Variants in HTR5A observed in about 807,000 individuals in gnomAD.
The protein encoded by HTR5A is 5-HT-5.
Under a neutral mutation model 24.3 loss-of-function variants are expected in HTR5A, and 21 were observed. That is an observed-to-expected ratio of 0.86 (90% CI 0.61 to 1.24). The LOEUF (loss-of-function observed/expected upper bound fraction) is 1.24. Ranked by LOEUF, HTR5A falls within the 50% of genes most tolerant of loss-of-function variation. HTR5A has a pLI of 0.00. For synonymous variants in HTR5A, 260 were observed against 213.7 expected, an observed-to-expected ratio of 1.22 and a Z score of -1.89; for missense variants, 497 against 489.5, an observed-to-expected ratio of 1.02 and a Z score of -0.15.
chr7:155,078,592 C>T (rs781752688), intron 1 of HTR5A, among the ~76,000 whole-genome samples: 1 of 152,096 alleles, frequency 6.6e-6, no homozygotes, highest in Non-Finnish European at 1.5e-5. Flanking sequence ...GGATTACAGG[C>T]GTGAGCCACC....
At chr7:155,075,348 T>C (rs1795348976) in intron 1 of HTR5A, among the ~76,000 whole-genome samples, 1 of 152,226 alleles carries the variant, frequency 6.6e-6, no homozygotes, top group Non-Finnish European at 1.5e-5. Flanking sequence ...CATGAGTTTA[T>C]GCTATTTTTT....
rs532328874 is a variant in HTR5A at position 155,085,763 on chromosome 7, C to T, written c.*1276C>T. ...TAATAATCTCTGAATTATTGTAATT[C>T]ATGTAGTATATTGTATATAATAAAT... On this transcript the variant is annotated 3_prime_UTR_variant, in exon 2 of 2. Transcript: ENST00000287907. The T allele has an allele frequency of 2.0e-5, 3 of 152,206 alleles. No homozygotes were observed. The highest frequency in any genetic ancestry group is 7.2e-5 in the African/African-American group (3 of 41,524). 9.4% of individuals were successfully genotyped at this position (152,206 alleles called of 1,614,324 possible).
chr7:155,073,987 C>T (rs1795333466), intron 1 of HTR5A, among the ~76,000 whole-genome samples: 1 of 150,550 alleles, frequency 6.6e-6, no homozygotes, highest in Non-Finnish European at 1.5e-5. Flanking sequence ...CTTGGCTTAG[C>T]AAAAGGACCC....
chr7:155,081,382 T>C (rs1795416448), intron 1 of HTR5A, among the ~76,000 whole-genome samples: 1 of 152,214 alleles, frequency 6.6e-6, no homozygotes, highest in South Asian at 2.1e-4. Context: ...AATAATTATT[T>C]AGCATGCAAT....
At position 155,087,311 on chromosome 7, in the gene HTR5A, G is replaced by T. The variant is rs980545280; in HGVS notation, c.*2824G>T. On this transcript the variant is annotated 3_prime_UTR_variant, in exon 2 of 2. Transcript: ENST00000287907. ...TTGTCTGTTGGATTTGCAGTTCCCT[G>T]CTCACAGCCAAAGAGGCTGTAGAGA... 2.0e-5 allele frequency among the ~76,000 whole-genome samples: 3 copies of T among 152,154 alleles called. No individual in the cohort carries two copies. The highest frequency in any genetic ancestry group is 7.2e-5 in the African/African-American group (3 of 41,434).
intron 1 of HTR5A, among the ~76,000 whole-genome samples, chr7:155,083,586 T>A (rs1795442219): frequency 6.6e-6 from 1 of 152,086 alleles, no homozygotes; most frequent in African/African-American, 2.4e-5. Flanking sequence ...CAGTTTTACA[T>A]AAATATAGGG....
chr7:155,074,818 C>G (rs1220368224), intron 1 of HTR5A: 3 of 152,066 alleles, frequency 2.0e-5, no homozygotes, highest in African/African-American at 7.2e-5. Flanking sequence ...AGAAGAGAAA[C>G]CTATGCAAAA....
At position 155,086,023 on chromosome 7, in the gene HTR5A, C is replaced by T. The variant is rs1016533671; in HGVS notation, c.*1536C>T. ...AAGAATTGAAGAATTTATTTAGAAA[C>T]GTCCTTAGATTTTTCATCTGTATAT... is the stretch of plus-strand genomic sequence containing the variant. On this transcript the variant is annotated 3_prime_UTR_variant, in exon 2 of 2. Transcript: ENST00000287907. 1.2e-4 allele frequency among the ~76,000 whole-genome samples: 18 copies of T among 152,162 alleles called. No individual in the cohort carries two copies. The highest frequency in any genetic ancestry group is 4.1e-4 in the South Asian group (2 of 4,832).
intron 1 of HTR5A, among the ~76,000 whole-genome samples, chr7:155,081,277 A>G (rs1051069228): frequency 6.6e-6 from 1 of 152,190 alleles, no homozygotes; most frequent in Admixed American, 6.5e-5. Flanking sequence ...CCATTATTGA[A>G]GGTAATCCAT....
chr7:155,075,934 A>G (rs1261021811), intron 1 of HTR5A, among the ~76,000 whole-genome samples: 1 of 151,954 alleles, frequency 6.6e-6, no homozygotes, highest in Non-Finnish European at 1.5e-5. Flanking sequence ...GTCCCTTTGG[A>G]CTCTTCATAA....
At chr7:155,081,051 A>G (rs993564952) in intron 1 of HTR5A, among the ~76,000 whole-genome samples, 1 of 152,222 alleles carries the variant, frequency 6.6e-6, no homozygotes, top group African/African-American at 2.4e-5. Flanking sequence ...GTTATCAGTT[A>G]TAGAACAATC....
At chr7:155,073,296 G>A (rs1052135894) in intron 1 of HTR5A, among the ~76,000 whole-genome samples, 1 of 132,940 alleles carries the variant, frequency 7.5e-6, no homozygotes, top group Non-Finnish European at 1.5e-5. Flanking sequence ...ACTCCAGCCT[G>A]GGCGACAGAG....
intron 1 of HTR5A, among the ~76,000 whole-genome samples, chr7:155,076,626 A>G (rs570343842): frequency 6.6e-6 from 1 of 152,316 alleles, no homozygotes; most frequent in Non-Finnish European, 1.5e-5. Flanking sequence ...TAATTATAGA[A>G]ATGCAGTTAT....
intron 1 of HTR5A, among the ~76,000 whole-genome samples, chr7:155,077,457 T>A (rs942770429): frequency 1.1e-5 from 1 of 94,024 alleles, no homozygotes. Context: ...ACCAATAGGT[T>A]TTTTTTTTGT....
chr7:155,086,752 C>T lies in HTR5A; in HGVS notation c.*2265C>T, dbSNP rs1335151511. ...TTTATACCCTGGTAAGAAATGTAGA[C>T]ATTCATTGACTTTGAGTCTCTACTA... is the stretch of plus-strand genomic sequence containing the variant. On this transcript the variant is annotated 3_prime_UTR_variant, in exon 2 of 2. Transcript: ENST00000287907. 1.3e-5 allele frequency among the ~76,000 whole-genome samples: 2 copies of T among 152,178 alleles called. No individual in the cohort carries two copies. Among genetic ancestry groups the T allele is most frequent in the Non-Finnish European group, 2.9e-5 (2 of 68,016 alleles).
chr7:155,083,004 G>A (rs978074498), intron 1 of HTR5A, among the ~76,000 whole-genome samples: 2 of 152,238 alleles, frequency 1.3e-5, no homozygotes, highest in East Asian at 3.9e-4. Flanking sequence ...TGTCAGCAAA[G>A]CTCTTCTACA....
chr7:155,079,737 C>T (rs180822481), intron 1 of HTR5A, among the ~76,000 whole-genome samples: 56 of 152,238 alleles, frequency 3.7e-4, no homozygotes, highest in Admixed American at 3.1e-3. Flanking sequence ...CAAGCCGTGG[C>T]ACATGAGGAA....
In HTR5A at chr7:155,084,217, C is replaced by T; in HGVS notation, c.804C>T (p.Phe268=). ...VFTVRHATVT[F]QPEGDTWREQ... ...CGGTCCGCCACGCCACCGTCACCTT[C>T]CAGCCAGAAGGGGACACGTGGCGGG... is the stretch of plus-strand genomic sequence containing the variant. Residue 268 remains phenylalanine, a synonymous_variant, in exon 2 of 2, where the codon TTC becomes TTT. Transcript: ENST00000287907. 1 of 1,614,132 alleles carries T rather than the reference C, an allele frequency of 6.2e-7. No individual in the cohort carries two copies. The highest frequency in any genetic ancestry group is 8.5e-7 in the Non-Finnish European group (1 of 1,180,008).
chr7:155,073,903 A>ATGTGTATATATATATATGTGTG (rs10676343), intron 1 of HTR5A, among the ~76,000 whole-genome samples: 1 of 128,386 alleles, frequency 7.8e-6, no homozygotes, highest in Non-Finnish European at 1.6e-5. Context: ...ATATATATAT[A>ATGTGTATATATATATATGTGTG]TATATATATA....
Sources: gnomAD v4.1 joint callset for allele counts (sites outside exome capture counted in the v4.1 genomes callset) on GRCh38, gnomAD v4.1.1 for gene constraint, MANE v1.5 for transcripts, NCBI Gene and HGNC (gene_info 2026-07-23, HGNC 2026-07-21) for gene names.